Variants in PPL observed in about 807,000 individuals in gnomAD.
PPL encodes the protein periplakin.
In PPL, 198 loss-of-function variants were observed where a neutral mutation model predicts 194.4. That is an observed-to-expected ratio of 1.02 (90% CI 0.91 to 1.15). The LOEUF is 1.15. Ranked by LOEUF, PPL falls within the 50% of genes most tolerant of loss-of-function variation. The pLI, the probability that PPL is intolerant of heterozygous loss-of-function variation, is 0.00. For synonymous variants in PPL, 1,220 were observed against 972.4 expected, an observed-to-expected ratio of 1.25 and a Z score of -4.74; for missense variants, 2,885 against 2,294.8, an observed-to-expected ratio of 1.26 and a Z score of -5.25.
At chr16:4,913,725 C>G (rs900780773) in intron 1 of PPL, among the ~76,000 whole-genome samples, 4 of 152,152 alleles carry the variant, frequency 2.6e-5, no homozygotes, top group African/African-American at 9.7e-5. Flanking sequence ...TTTCTTTAAA[C>G]AAAGAAAGAA....
At chr16:4,922,627 A>C (rs1157139920) in intron 1 of PPL, among the ~76,000 whole-genome samples, 4 of 152,102 alleles carry the variant, frequency 2.6e-5, no homozygotes, top group Non-Finnish European at 5.9e-5. Flanking sequence ...GTGCCACTGC[A>C]CTCCAGCCTG....
At chr16:4,897,541 G>T in intron 9 of PPL, 134 bp downstream of exon 9, 2 of 649,362 alleles carry the variant, frequency 3.1e-6, no homozygotes, top group East Asian at 2.8e-5. Context: ...CATGGGTGCT[G>T]GGGGCCTGGG....
In PPL at chr16:4,890,322, T is replaced by G; in HGVS notation, c.2175A>C (p.Leu725=). The G allele has an allele frequency of 6.2e-7, 1 of 1,613,386 alleles. No individual in the cohort carries two copies. The highest frequency in any genetic ancestry group is 8.5e-7 in the Non-Finnish European group (1 of 1,179,786). Residue 725 remains leucine, a synonymous_variant, in exon 18 of 22, where the codon CTA becomes CTC. Transcript: ENST00000345988. ...RQQVERRAQS[L]QSAKAAYEHF... is the part of the protein sequence containing the mutation. ...GCTCGTAGGCTGCCTTGGCGCTCTGTAGGCTCTGCGCCCTGTCAAGGCAAA... is the reference window on the plus strand; with the variant it reads ...GCTCGTAGGCTGCCTTGGCGCTCTGGAGGCTCTGCGCCCTGTCAAGGCAAA...
Position 4,893,639 on chromosome 16 carries a change from C to A in PPL, c.1395-1G>T. Reference sequence around the variant, plus strand: ...CACGCTCCGGTACTGGCTGCCCAGGCTGTGAGGACAGAAATGAGCTGGGAA... The same window carrying A: ...CACGCTCCGGTACTGGCTGCCCAGGATGTGAGGACAGAAATGAGCTGGGAA... On this transcript the variant is annotated splice_acceptor_variant, in intron 12 of 21. Coordinates refer to ENST00000345988, the MANE Select transcript of PPL (RefSeq NM_002705.5). LOFTEE classifies it high-confidence loss of function. The A allele has an allele frequency of 1.3e-6, 2 of 1,582,676 alleles. No individual in the cohort carries two copies. The highest frequency in any genetic ancestry group is 1.7e-6 in the Non-Finnish European group (2 of 1,168,160).
intron 1 of PPL, among the ~76,000 whole-genome samples, chr16:4,932,808 C>G (rs935956908): frequency 2.6e-5 from 4 of 152,038 alleles, no homozygotes; most frequent in Admixed American, 2.6e-4. Flanking sequence ...TGGGCTGGAC[C>G]CATCATGTGC....
chr16:4,893,260 G>C lies in PPL; in HGVS notation c.1603C>G (p.Gln535Glu). 5 of 1,596,382 alleles carry C rather than the reference G, an allele frequency of 3.1e-6. No individual in the cohort carries two copies. Among genetic ancestry groups the C allele is most frequent in the Non-Finnish European group, 4.3e-6 (5 of 1,174,806 alleles). The change falls in exon 14 of 22, where the codon CAA (glutamine) becomes GAA (glutamate). Residue 535 changes from glutamine to glutamate, a missense_variant. Physicochemically the swap from Gln to Glu is conservative, Grantham distance 29. Transcript: ENST00000345988. The stretch of plus-strand genomic sequence containing the variant: ...GCACTGTCCTGCACAGCCCGGCCTT[G>C]CTCCAGTGGTGGCCGCAGGATCCCT... ...ITGILRPPLE[Q>E]GRAVQDSAER...
In PPL at chr16:4,893,354, C is replaced by G; in HGVS notation, c.1509G>C (p.Gln503His). 1 of 1,607,554 alleles carries G rather than the reference C, an allele frequency of 6.2e-7. No homozygotes were observed. Residue 503 changes from glutamine to histidine, a missense_variant, in exon 14 of 22, where the codon CAG (glutamine) becomes CAC (histidine). By Grantham distance (24) the Gln-to-His change is conservative (BLOSUM62 0). Coordinates refer to ENST00000345988, the MANE Select transcript of PPL (RefSeq NM_002705.5). The stretch of plus-strand genomic sequence containing the variant: ...CCAAGCCAGCCAGCAGCTGCCGCCC[C>G]TGTAGGTCAGAGGCATCTGTGGAGG... The part of the protein sequence containing the change: ...TENPGDASDL[Q>H]GRQLLAGLDK...
Position 4,903,870 on chromosome 16 carries a change from A to G in PPL, c.317+16T>C, listed in dbSNP as rs751959063. 4 of 1,613,338 alleles carry G rather than the reference A, an allele frequency of 2.5e-6. No homozygotes were observed. The African/African-American group carries it at 4.0e-5, about 16-fold the overall frequency. On this transcript the variant is annotated intron_variant, in intron 3 of 21. Coordinates refer to ENST00000345988, the MANE Select transcript of PPL (RefSeq NM_002705.5). ...CCCCAATGGCTCCCCTGGGGTAAGA[A>G]GCAGAAGGGACCTACTCCTCGGCGA...
At chr16:4,933,452 G>C (rs1364482946) in intron 1 of PPL, among the ~76,000 whole-genome samples, 1 of 152,110 alleles carries the variant, frequency 6.6e-6, no homozygotes. Flanking sequence ...TTCAAGCAGA[G>C]GCAGAATTGA....
intron 1 of PPL, among the ~76,000 whole-genome samples, chr16:4,918,136 C>T (rs2088963189): frequency 6.6e-6 from 1 of 151,682 alleles, no homozygotes; most frequent in South Asian, 2.1e-4. Flanking sequence ...CTACTAAAAA[C>T]ACAAAAATTA....
intron 1 of PPL, among the ~76,000 whole-genome samples, chr16:4,929,065 C>T (rs1392167556): frequency 2.1e-5 from 3 of 143,310 alleles, no homozygotes; most frequent in Non-Finnish European, 3.0e-5. Context: ...AGTCCTGGAG[C>T]GAGTCACTCA....
chr16:4,908,422 T>TTGTCTCTCTC lies in PPL; in HGVS notation c.162+2427_162+2428insGAGAGAGACA, dbSNP rs796281911. ...GAGAAGGTTAAACCCTCTTCCTTCT[T>TTGTCTCTCTC]TCTCTCTCTCTCTCTCTCTCTCTCA... On this transcript the variant is annotated intron_variant, in intron 2 of 21. Transcript: ENST00000345988. 3.7e-3 allele frequency among the ~76,000 whole-genome samples: 555 copies of TTGTCTCTCTC among 148,530 alleles called. 4 individuals are homozygous for TTGTCTCTCTC. Among genetic ancestry groups the TTGTCTCTCTC allele is most frequent in the Middle Eastern group, 0.036 (10 of 276 alleles).
intron 1 of PPL, among the ~76,000 whole-genome samples, chr16:4,915,250 T>C (rs1596574352): frequency 6.6e-6 from 1 of 152,216 alleles, no homozygotes; most frequent in Admixed American, 6.5e-5. Flanking sequence ...GGACTCCTGA[T>C]GGGACAAAGC....
rs1255405388 is a variant in PPL, at chr16:4,903,428, G to A, written c.317+458C>T. 6.6e-5 allele frequency among the ~76,000 whole-genome samples: 10 copies of A among 152,136 alleles called. No individual in the cohort carries two copies. The East Asian group carries it at 1.5e-3, about 23-fold the overall frequency. On this transcript the variant is annotated intron_variant, in intron 3 of 21. Coordinates refer to ENST00000345988, the MANE Select transcript of PPL (RefSeq NM_002705.5). The stretch of plus-strand genomic sequence containing the variant: ...TCAAGAGGATCATGTGAGGCTGGGC[G>A]CGGTGGCTCACATGTGTAATCCCAG...
chr16:4,931,421 T>G (rs1297528398), intron 1 of PPL, among the ~76,000 whole-genome samples: 1 of 152,092 alleles, frequency 6.6e-6, no homozygotes, highest in Non-Finnish European at 1.5e-5. Flanking sequence ...AGGGCAGGGC[T>G]GGGACCTGAA....
chr16:4,883,881 C>G lies in PPL; in HGVS notation c.4774G>C (p.Glu1592Gln). Residue 1592 changes from glutamate to glutamine, a missense_variant, in exon 22 of 22, where the codon GAA (glutamate) becomes CAA (glutamine). Physicochemically the swap from Glu to Gln is conservative, Grantham distance 29. Transcript: ENST00000345988. The surrounding 1 kb of genome is among the most constrained non-coding windows in gnomAD (Gnocchi z 4.8). ...GTCATGTTCCGCAGGTCTCGTGTTT[C>G]CGTCGCTGCCATGTTGATTTCCGAT... ...LQSEINMAAT[E>Q]TRDLRNMTVA... is the part of the protein sequence containing the mutation. 12 of 1,613,994 alleles carry G rather than the reference C, an allele frequency of 7.4e-6. No individual in the cohort carries two copies. Among genetic ancestry groups the G allele is most frequent in the Non-Finnish European group, 9.3e-6 (11 of 1,180,042 alleles).
At chr16:4,911,319 G>A (rs1211002152) in intron 1 of PPL, among the ~76,000 whole-genome samples, 2 of 151,896 alleles carry the variant, frequency 1.3e-5, no homozygotes, top group South Asian at 2.1e-4. Flanking sequence ...GCACCACCAA[G>A]CCTGGCTAAT....
rs2088597778 is a variant in PPL, at chr16:4,902,579, C to A, written c.318-53G>T. 6.3e-7 allele frequency: 1 copy of A among 1,585,206 alleles called. No homozygotes were observed. Among genetic ancestry groups the A allele is most frequent in the Non-Finnish European group, 8.6e-7 (1 of 1,164,612 alleles). ...GGGGCTGGTTGGCACTGCCTGCACC[C>A]CAGGAGGGGCCCCCCACCCAGACCC... On this transcript the variant is annotated intron_variant, in intron 3 of 21. Coordinates refer to ENST00000345988, the MANE Select transcript of PPL (RefSeq NM_002705.5). The surrounding 1 kb of genome is among the most constrained non-coding windows in gnomAD (Gnocchi z 4.0).
In PPL at chr16:4,884,489, A is replaced by T; in HGVS notation, c.4166T>A (p.Leu1389Gln). ...LRQIDKLRAE[L>Q]RRLQRRRTEL... is the part of the protein sequence containing the mutation. ...GGTGCGCCGGCGCTGCAGCCGCCGC[A>T]GCTCTGCCCGCAGCTTGTCAATCTG... Residue 1389 changes from leucine to glutamine, a missense_variant, in exon 22 of 22, where the codon CTG becomes CAG. By Grantham distance (113) the Leu-to-Gln change is moderately radical. Coordinates refer to ENST00000345988, the MANE Select transcript of PPL (RefSeq NM_002705.5). This position sits in a 1 kb window ranked among gnomAD's most constrained non-coding sequence, Gnocchi z 5.7. 6.2e-7 allele frequency: 1 copy of T among 1,606,282 alleles called. No homozygotes were observed. Among genetic ancestry groups the T allele is most frequent in the South Asian group, 1.1e-5 (1 of 90,760 alleles).
Sources: gnomAD v4.1 joint callset for allele counts (sites outside exome capture counted in the v4.1 genomes callset) on GRCh38, gnomAD v4.1.1 for gene constraint, Gnocchi (gnomAD v3.1) non-coding constraint, MANE v1.5 for transcripts, NCBI Gene and HGNC (gene_info 2026-07-23, HGNC 2026-07-21) for gene names.